PRDM16: variants seen among roughly 807,000 people sequenced by gnomAD.
The protein encoded by PRDM16 is histone-lysine N-methyltransferase PRDM16.
PRDM16 carries 23 observed loss-of-function variants against 110.6 expected under a neutral mutation model. That is an observed-to-expected ratio of 0.21 (90% confidence interval 0.15 to 0.29). The LOEUF is 0.29. Ranked by LOEUF, PRDM16 falls within the 10% of genes least tolerant of loss-of-function variation. The pLI, the probability that PRDM16 is intolerant of heterozygous loss-of-function variation, is 1.00. For missense variants in PRDM16, 1,615 were observed against 1,794.3 expected (o/e 0.90, Z 1.81); for synonymous variants, 799 against 781.8 (o/e 1.02, Z -0.37).
chr1:3,248,736 A>G (rs180782376), intron 3 of PRDM16, among the ~76,000 whole-genome samples: 4 of 152,354 alleles, frequency 2.6e-5, no homozygotes, highest in Non-Finnish European at 5.9e-5. Context: ...GCATTGTCCA[A>G]ACAGGGTGAT....
At chr1:3,135,070 G>C (rs1569649301) in intron 1 of PRDM16, among the ~76,000 whole-genome samples, 1 of 152,246 alleles carries the variant, frequency 6.6e-6, no homozygotes, top group African/African-American at 2.4e-5. Flanking sequence ...CCCGGGTCAG[G>C]GGCTTCTGGA....
At chr1:3,074,066 G>C (rs375600284) in intron 1 of PRDM16, among the ~76,000 whole-genome samples, 1 of 152,332 alleles carries the variant, frequency 6.6e-6, no homozygotes, top group East Asian at 1.9e-4. Flanking sequence ...CGGAGGCAGA[G>C]GGTGGGGGTC....
intron 1 of PRDM16, among the ~76,000 whole-genome samples, chr1:3,076,950 G>C (rs540396537): frequency 1.3e-5 from 2 of 152,310 alleles, no homozygotes; most frequent in South Asian, 2.1e-4. Context: ...ACATCTCGGG[G>C]TATGAAGCCC....
intron 3 of PRDM16, among the ~76,000 whole-genome samples, chr1:3,367,278 A>C (rs1356481403): frequency 6.6e-6 from 1 of 152,082 alleles, no homozygotes; most frequent in African/African-American, 2.4e-5. Flanking sequence ...CTGTCTCAAA[A>C]AAAAAAAAAT....
chr1:3,282,611 A>G (rs577177310), intron 3 of PRDM16, among the ~76,000 whole-genome samples: 13 of 152,292 alleles, frequency 8.5e-5, no homozygotes, highest in African/African-American at 2.9e-4. Context: ...CTTATTGCCA[A>G]GGTCACTGAA....
intron 3 of PRDM16, among the ~76,000 whole-genome samples, chr1:3,304,478 A>C (rs1016995304): frequency 1.3e-5 from 2 of 152,228 alleles, no homozygotes; most frequent in Non-Finnish European, 2.9e-5. Flanking sequence ...GAAAGCCTGC[A>C]TTGCATCCTT....
intron 8 of PRDM16, among the ~76,000 whole-genome samples, chr1:3,409,842 G>GTGTA (rs1189360831): frequency 3.5e-5 from 5 of 141,908 alleles, no homozygotes; most frequent in Non-Finnish European, 6.1e-5. Flanking sequence ...TGGGTGTGTG[G>GTGTA]TGTGGGTGTG....
Position 3,323,618 on chromosome 1 carries a change from CG to C in PRDM16, c.439-61533del, listed in dbSNP as rs1641813893. 2.6e-5 allele frequency among the ~76,000 whole-genome samples: 4 copies of C among 152,222 alleles called. No individual in the cohort carries two copies. In the South Asian group the frequency reaches 8.3e-4, roughly 32 times the overall value. On this transcript the variant is annotated intron_variant, in intron 3 of 16. Coordinates refer to ENST00000270722, the MANE Select transcript of PRDM16 (RefSeq NM_022114.4). ...CCCAGGCCAGGGAACCCCCAGCTCCCGCCTGGAAACCCACGTGTGCAGTCAT... is the reference window on the plus strand; with the variant it reads ...CCCAGGCCAGGGAACCCCCAGCTCCCCCTGGAAACCCACGTGTGCAGTCAT...
intron 3 of PRDM16, among the ~76,000 whole-genome samples, chr1:3,357,940 C>A (rs140438606): frequency 2.0e-5 from 3 of 152,340 alleles, no homozygotes; most frequent in Admixed American, 6.5e-5. Flanking sequence ...TCTCATACAG[C>A]GAAAGCACTG....
chr1:3,425,747 C>A lies in PRDM16; in HGVS notation c.3106C>A (p.Pro1036Thr), dbSNP rs375442968. ...HLKKHEHENA[P>T]VSQHPGVLTN... is the part of the protein sequence containing the mutation. Reference sequence around the variant, plus strand: ...CAAGAAGCACGAGCACGAGAACGCACCAGGTGGGCCACGCGGGGTGGGGCA... The same window carrying A: ...CAAGAAGCACGAGCACGAGAACGCAACAGGTGGGCCACGCGGGGTGGGGCA... The change falls in exon 13 of 17, where the codon CCA becomes ACA. Residue 1036 changes from proline (P) to threonine (T), a missense_variant. Transcript: ENST00000270722. This position sits in a 1 kb window ranked among gnomAD's most constrained non-coding sequence, Gnocchi z 6.9. 6.2e-7 allele frequency: 1 copy of A among 1,613,468 alleles called. No individual in the cohort carries two copies. Among genetic ancestry groups the A allele is most frequent in the Non-Finnish European group, 8.5e-7 (1 of 1,179,906 alleles).
chr1:3,210,140 G>A (rs1006778474), intron 2 of PRDM16, among the ~76,000 whole-genome samples: 1 of 152,204 alleles, frequency 6.6e-6, no homozygotes, highest in Non-Finnish European at 1.5e-5. Context: ...AAACCAGCTC[G>A]CTATGTGCCG....
rs535254215 is a variant in PRDM16, at chr1:3,375,470, C to T, written c.439-9682C>T. Among the ~76,000 whole-genome samples, 7 of 152,390 alleles carry T rather than the reference C, an allele frequency of 4.6e-5. No individual in the cohort carries two copies. The South Asian group carries it at 8.3e-4, about 18-fold the overall frequency. ...GGTCAGGGCTGCAGCCCATGGCTCA[C>T]AAGCCAAACCTCAGAGGTGCCACGA... On this transcript the variant is annotated intron_variant, in intron 3 of 16. Transcript: ENST00000270722.
chr1:3,119,158 G>C (rs1201343723), intron 1 of PRDM16, among the ~76,000 whole-genome samples: 1 of 152,186 alleles, frequency 6.6e-6, no homozygotes, highest in Non-Finnish European at 1.5e-5. Context: ...CACAGCTATC[G>C]ACCCAGGGCT....
At chr1:3,146,448 A>C (rs565015121) in intron 1 of PRDM16, among the ~76,000 whole-genome samples, 3 of 147,582 alleles carry the variant, frequency 2.0e-5, no homozygotes, top group Non-Finnish European at 4.6e-5. Context: ...GTGTGTGCAC[A>C]TGTGTTCAGT....
rs1639726239 is a variant in PRDM16 at position 3,243,727 on chromosome 1, C to G, written c.388-360C>G. 6.6e-6 allele frequency among the ~76,000 whole-genome samples: 1 copy of G among 152,220 alleles called. No individual in the cohort carries two copies. The highest frequency in any genetic ancestry group is 1.5e-5 in the Non-Finnish European group (1 of 68,044). ...CATCCAGGGTGTCCATGCGCTCCTC[C>G]CAGATGGTTCTCATAAATAATATGA... On this transcript the variant is annotated intron_variant, in intron 2 of 16. Coordinates refer to ENST00000270722, the MANE Select transcript of PRDM16 (RefSeq NM_022114.4). The surrounding 1 kb of genome is among the most constrained non-coding windows in gnomAD (Gnocchi z 5.5).
intron 1 of PRDM16, among the ~76,000 whole-genome samples, chr1:3,088,264 C>G (rs1228144225): frequency 1.3e-5 from 2 of 151,850 alleles, no homozygotes; most frequent in African/African-American, 4.8e-5. Flanking sequence ...ACCGGAGTCA[C>G]TGGGCACAGT....
At chr1:3,271,340 T>C (rs1257958906) in intron 3 of PRDM16, among the ~76,000 whole-genome samples, 1 of 152,082 alleles carries the variant, frequency 6.6e-6, no homozygotes, top group African/African-American at 2.4e-5. Context: ...TGAAAGACCC[T>C]TTTCTTCCTA....
chr1:3,075,357 A>G (rs947783704), intron 1 of PRDM16, among the ~76,000 whole-genome samples: 1 of 152,244 alleles, frequency 6.6e-6, no homozygotes, highest in South Asian at 2.1e-4. Context: ...GCCGGCTGCA[A>G]TTTATTTTAA....
At chr1:3,098,571 C>T (rs55650075) in intron 1 of PRDM16, among the ~76,000 whole-genome samples, 8,087 of 152,256 alleles carry the variant, frequency 0.053, 284 homozygotes, top group Non-Finnish European at 0.066. Context: ...CCTCCCTGGG[C>T]TTCGAGACCC....
Sources: allele counts gnomAD v4.1 joint callset (sites outside exome capture counted in the v4.1 genomes callset), GRCh38; gene constraint gnomAD v4.1.1; non-coding constraint Gnocchi (gnomAD v3.1); transcripts MANE v1.5; gene names NCBI Gene and HGNC (gene_info 2026-07-23, HGNC 2026-07-21).